The following RFX3 variants were observed in gnomAD, a reference collection of about 807,000 sequenced individuals.
RFX3 encodes regulatory factor X3.
Under a neutral mutation model 98.6 loss-of-function variants are expected in RFX3, and 14 were observed. The observed-to-expected ratio is 0.14, with a 90% CI of 0.09 to 0.22. RFX3 has a LOEUF of 0.22. Among genes scored for constraint, RFX3 ranks in the 10% least tolerant of loss-of-function variants. The pLI, the probability that RFX3 is intolerant of heterozygous loss-of-function variation, is 1.00. For missense variants in RFX3, 639 were observed against 926.9 expected (o/e 0.69, Z 4.03); for synonymous variants, 383 against 328.4 (o/e 1.17, Z -1.80).
chr9:3,347,716 C>T (rs1481074333), intron 2 of RFX3, among the ~76,000 whole-genome samples: 2 of 151,852 alleles, frequency 1.3e-5, no homozygotes, highest in Non-Finnish European at 2.9e-5. Context: ...ATTCTAGCTG[C>T]TTGGGAGGCT....
chr9:3,304,734 G>T (rs1013740000), intron 4 of RFX3, among the ~76,000 whole-genome samples: 1 of 151,968 alleles, frequency 6.6e-6, no homozygotes, highest in Non-Finnish European at 1.5e-5. Context: ...TGCCATGATT[G>T]TGAGGTCTCC....
At chr9:3,355,503 T>C (rs533668263) in intron 2 of RFX3, among the ~76,000 whole-genome samples, 3 of 151,796 alleles carry the variant, frequency 2.0e-5, no homozygotes, top group African/African-American at 7.2e-5. Flanking sequence ...AAATAATAAA[T>C]CCTACATGTC....
At chr9:3,370,979 C>G (rs1486766415) in intron 2 of RFX3, among the ~76,000 whole-genome samples, 1 of 151,998 alleles carries the variant, frequency 6.6e-6, no homozygotes, top group East Asian at 1.9e-4. Flanking sequence ...AGCAAAGACT[C>G]TTGAAATTAC....
intron 4 of RFX3, among the ~76,000 whole-genome samples, chr9:3,325,989 T>C (rs1831868598): frequency 6.6e-6 from 1 of 152,150 alleles, no homozygotes; most frequent in Non-Finnish European, 1.5e-5. Flanking sequence ...TACTGAAATA[T>C]TAACAATAAA....
At chr9:3,262,158 T>C (rs2085631196) in intron 13 of RFX3, among the ~76,000 whole-genome samples, 1 of 152,180 alleles carries the variant, frequency 6.6e-6, no homozygotes, top group East Asian at 1.9e-4. Context: ...TACGTACAGT[T>C]TATGTATTTT....
intron 1 of RFX3, among the ~76,000 whole-genome samples, chr9:3,465,144 AC>A (rs906655771): frequency 5.9e-5 from 9 of 152,164 alleles, no homozygotes; most frequent in Admixed American, 2.0e-4. Context: ...CCTTCCCCAA[AC>A]CCTTGCAATC....
At chr9:3,323,834 G>C (rs993828319) in intron 4 of RFX3, 2 of 171,952 alleles carry the variant, frequency 1.2e-5, no homozygotes, top group South Asian at 1.7e-4. Flanking sequence ...AAGATTTCTA[G>C]GAGTGGAATG....
intron 2 of RFX3, 22 bp downstream of exon 2, chr9:3,395,450 T>C (rs754111022): frequency 1.9e-6 from 3 of 1,608,432 alleles, no homozygotes; most frequent in Non-Finnish European, 2.6e-6. Context: ...CAGCATCTTT[T>C]CTAAGAGCAG....
chr9:3,408,501 A>G (rs1304193945), intron 1 of RFX3, among the ~76,000 whole-genome samples: 4 of 152,114 alleles, frequency 2.6e-5, no homozygotes, highest in Non-Finnish European at 5.9e-5. Context: ...AGAGGAAAGC[A>G]AAAAGAAATT....
intron 15 of RFX3, among the ~76,000 whole-genome samples, chr9:3,232,070 GCAAA>G (rs1818544870): frequency 3.8e-5 from 4 of 105,684 alleles, no homozygotes; most frequent in Admixed American, 9.5e-5. Context: ...AAGCAAGCAA[GCAAA>G]CAAACAAAAA....
At chr9:3,433,344 G>A (rs901497584) in intron 1 of RFX3, among the ~76,000 whole-genome samples, 10 of 152,106 alleles carry the variant, frequency 6.6e-5, no homozygotes, top group Admixed American at 2.6e-4. Flanking sequence ...TAACTAGGAT[G>A]AAGACTTTTA....
At chr9:3,231,204 T>C (rs1267462445) in intron 15 of RFX3, among the ~76,000 whole-genome samples, 2 of 152,168 alleles carry the variant, frequency 1.3e-5, no homozygotes, top group Non-Finnish European at 2.9e-5. Context: ...AAGTTTCACA[T>C]GTACAGCAAA....
intron 15 of RFX3, among the ~76,000 whole-genome samples, chr9:3,233,873 T>G (rs957128302): frequency 6.6e-6 from 1 of 152,172 alleles, no homozygotes; most frequent in Non-Finnish European, 1.5e-5. Flanking sequence ...TTATCAATAT[T>G]GTTATTATGT....
chr9:3,265,386 G>A (rs1001036243), intron 12 of RFX3, among the ~76,000 whole-genome samples: 12 of 152,142 alleles, frequency 7.9e-5, no homozygotes, highest in African/African-American at 2.9e-4. Context: ...AAACGAACTG[G>A]AGGCTACTTA....
intron 4 of RFX3, among the ~76,000 whole-genome samples, chr9:3,313,590 G>A (rs925152661): frequency 6.6e-6 from 1 of 152,186 alleles, no homozygotes; most frequent in Admixed American, 6.5e-5. Flanking sequence ...AAAGGAGGAT[G>A]TTCGAACCCA....
At chr9:3,484,298 T>C (rs1186293929) in intron 1 of RFX3, among the ~76,000 whole-genome samples, 1 of 152,192 alleles carries the variant, frequency 6.6e-6, no homozygotes, top group Non-Finnish European at 1.5e-5. Context: ...CTTACCTCAG[T>C]GCCTGGCACA....
chr9:3,233,310 C>G (rs1272253294), intron 15 of RFX3, among the ~76,000 whole-genome samples: 1 of 152,186 alleles, frequency 6.6e-6, no homozygotes, highest in Non-Finnish European at 1.5e-5. Flanking sequence ...TTGTTCATTA[C>G]AGGATTTTGA....
intron 4 of RFX3, among the ~76,000 whole-genome samples, chr9:3,327,847 C>T (rs943875079): frequency 6.6e-6 from 1 of 151,822 alleles, no homozygotes; most frequent in Non-Finnish European, 1.5e-5. Flanking sequence ...AATAATGCCA[C>T]CTTTCATACA....
At chr9:3,387,887 C>T (rs1041440917) in intron 2 of RFX3, among the ~76,000 whole-genome samples, 1 of 152,010 alleles carries the variant, frequency 6.6e-6, no homozygotes, top group South Asian at 2.1e-4. Flanking sequence ...AACCTCTTGA[C>T]CCTGAACAGA....
Sources: gnomAD v4.1 joint callset for allele counts (sites outside exome capture counted in the v4.1 genomes callset) on GRCh38, gnomAD v4.1.1 for gene constraint, MANE v1.5 for transcripts, NCBI Gene and HGNC (gene_info 2026-07-23, HGNC 2026-07-21) for gene names.